The following FAR2 variants were observed in gnomAD, a reference collection of about 807,000 sequenced individuals.
FAR2 encodes fatty acyl-CoA reductase 2.
A neutral mutation model predicts 56.0 loss-of-function variants in FAR2; 19 were observed. The observed-to-expected ratio is 0.34, with a 90% CI of 0.24 to 0.50. The LOEUF (loss-of-function observed/expected upper bound fraction) is 0.50. FAR2 is among the 20% of genes least tolerant of loss of function. The pLI is 0.98. For synonymous variants in FAR2, 219 were observed against 218.8 expected (o/e 1.00, Z -0.01); for missense variants, 508 against 642.2 (o/e 0.79, Z 2.26).
intron 1 of FAR2, among the ~76,000 whole-genome samples, chr12:29,244,674 T>C (rs1948096329): frequency 6.6e-6 from 1 of 152,184 alleles, no homozygotes; most frequent in Non-Finnish European, 1.5e-5. Flanking sequence ...AGATGCAAAG[T>C]GAATCTATTG....
At chr12:29,290,534 A>G (rs2136745922) in intron 2 of FAR2, among the ~76,000 whole-genome samples, 1 of 152,346 alleles carries the variant, frequency 6.6e-6, no homozygotes, top group South Asian at 2.1e-4. Context: ...AGTATCTCAA[A>G]GAGGTATCTG....
At chr12:29,159,671 C>T (rs1336204919) in intron 1 of FAR2, among the ~76,000 whole-genome samples, 1 of 152,152 alleles carries the variant, frequency 6.6e-6, no homozygotes, top group Non-Finnish European at 1.5e-5. Context: ...GTGTGTCTCT[C>T]CTCTCGTTTA....
intron 1 of FAR2, among the ~76,000 whole-genome samples, chr12:29,227,673 A>G (rs1223088620): frequency 1.3e-5 from 2 of 152,164 alleles, no homozygotes; most frequent in African/African-American, 4.8e-5. Context: ...TAATCAATCA[A>G]TTTTTCAAGA....
chr12:29,154,927 T>C (rs1490882180), intron 1 of FAR2, among the ~76,000 whole-genome samples: 1 of 152,222 alleles, frequency 6.6e-6, no homozygotes, highest in Non-Finnish European at 1.5e-5. Flanking sequence ...TTAAACCTTT[T>C]AACATCTACA....
intron 1 of FAR2, among the ~76,000 whole-genome samples, chr12:29,213,342 G>A (rs933636399): frequency 6.6e-6 from 1 of 151,996 alleles, no homozygotes; most frequent in African/African-American, 2.4e-5. Flanking sequence ...ACAAAATGAG[G>A]GCACATATGA....
In FAR2 at chr12:29,270,514, T is replaced by C. The variant is rs1303421052; in HGVS notation, c.65T>C (p.Leu22Pro). The change falls in exon 2 of 12, where the codon CTG (leucine) becomes CCG (proline). Residue 22 changes from leucine to proline, a missense_variant. Coordinates refer to ENST00000536681, the MANE Select transcript of FAR2 (RefSeq NM_001271783.2). ...SILITGATGF[L>P]GKVLMEKLFR... The stretch of plus-strand genomic sequence containing the variant: ...CTCATCACGGGGGCCACAGGCTTTC[T>C]GGGCAAAGTGCTGATGGAGAAGCTG... 1 of 1,613,164 alleles carries C rather than the reference T, an allele frequency of 6.2e-7. No homozygotes were observed. Among genetic ancestry groups the C allele is most frequent in the Non-Finnish European group, 8.5e-7 (1 of 1,179,384 alleles).
At position 29,313,063 on chromosome 12, in the gene FAR2, T is replaced by C. The variant is rs528156788; in HGVS notation, c.955+1113T>C. 3.3e-5 allele frequency among the ~76,000 whole-genome samples: 5 copies of C among 152,290 alleles called. No individual in the cohort carries two copies. In the East Asian group the frequency reaches 5.8e-4, roughly 18 times the overall value. Reference sequence around the variant, plus strand: ...CATCTAATATAGCATTTCTGGAAGATATTACTAATTAATCTGATGTTGCAT... The same window carrying C: ...CATCTAATATAGCATTTCTGGAAGACATTACTAATTAATCTGATGTTGCAT... On this transcript the variant is annotated intron_variant, in intron 8 of 11. Coordinates refer to ENST00000536681, the MANE Select transcript of FAR2 (RefSeq NM_001271783.2).
chr12:29,155,213 G>C (rs1949716633), intron 1 of FAR2, among the ~76,000 whole-genome samples: 1 of 152,222 alleles, frequency 6.6e-6, no homozygotes, highest in Non-Finnish European at 1.5e-5. Flanking sequence ...CAATGGGGAA[G>C]ACTCCCCAGG....
chr12:29,297,050 C>A lies in FAR2; in HGVS notation c.395C>A (p.Thr132Asn). The A allele has an allele frequency of 6.2e-7, 1 of 1,609,366 alleles. No individual in the cohort carries two copies. Among genetic ancestry groups the A allele is most frequent in the Non-Finnish European group, 8.5e-7 (1 of 1,178,406 alleles). The change falls in exon 4 of 12, where the codon ACC (threonine) becomes AAC (asparagine). Residue 132 changes from threonine (T) to asparagine (N), a missense_variant. By Grantham distance (65) the Thr-to-Asn change is moderately conservative. Transcript: ENST00000536681. ...GCTGTGCAACTTAACGTCACTGCCA[C>A]CCGGCAGCTCTTGCTTATGGCTAGT... ...RHAVQLNVTATRQLLLMASQM... is the reference protein window; with the variant it reads ...RHAVQLNVTANRQLLLMASQM...
At chr12:29,200,205 A>C (rs949968869) in intron 1 of FAR2, among the ~76,000 whole-genome samples, 3 of 152,174 alleles carry the variant, frequency 2.0e-5, no homozygotes, top group African/African-American at 7.2e-5. Flanking sequence ...TCGGCCAGAA[A>C]GTCATTATAA....
chr12:29,267,607 A>G (rs1409027828), intron 1 of FAR2, among the ~76,000 whole-genome samples: 1 of 152,216 alleles, frequency 6.6e-6, no homozygotes, highest in Non-Finnish European at 1.5e-5. Context: ...AGAATGTTTA[A>G]TACTGTTTCC....
intron 2 of FAR2, among the ~76,000 whole-genome samples, chr12:29,271,672 A>G (rs1017254183): frequency 3.3e-5 from 5 of 152,228 alleles, no homozygotes; most frequent in Non-Finnish European, 7.3e-5. Context: ...ACAAACCATC[A>G]TCAAGCAAAT....
At chr12:29,152,429 C>G (rs946611403) in intron 1 of FAR2, among the ~76,000 whole-genome samples, 2 of 152,202 alleles carry the variant, frequency 1.3e-5, no homozygotes, top group Non-Finnish European at 2.9e-5. Flanking sequence ...CCTCTGTCCC[C>G]AGACTCCTCC....
intron 1 of FAR2, among the ~76,000 whole-genome samples, chr12:29,257,093 C>A (rs1003668078): frequency 2.1e-4 from 32 of 152,226 alleles, no homozygotes; most frequent in Non-Finnish European, 4.1e-4. Context: ...CTGGGTGAAG[C>A]CAGCTGGGCT....
chr12:29,208,375 G>A (rs1947501103), intron 1 of FAR2, among the ~76,000 whole-genome samples: 1 of 152,222 alleles, frequency 6.6e-6, no homozygotes, highest in Admixed American at 6.5e-5. Context: ...ACTGTGGTGA[G>A]GTGGGAACTG....
At chr12:29,332,453 T>C in intron 10 of FAR2, 147 bp from the exon 11 acceptor site, 1 of 1,068,514 alleles carries the variant, frequency 9.4e-7, no homozygotes, top group South Asian at 1.6e-5. Flanking sequence ...TTTGAAATAA[T>C]GACTCAAATA....
chr12:29,283,303 AT>A (rs1271191922), intron 2 of FAR2, among the ~76,000 whole-genome samples: 2 of 152,122 alleles, frequency 1.3e-5, no homozygotes, highest in Middle Eastern at 3.2e-3. Flanking sequence ...TTGGATTACA[AT>A]TTTTTTGCAT....
intron 10 of FAR2, among the ~76,000 whole-genome samples, chr12:29,328,646 A>G (rs1167854007): frequency 1.3e-5 from 2 of 151,720 alleles, no homozygotes; most frequent in African/African-American, 4.8e-5. Context: ...GCAAGGACAA[A>G]AAACCAAACA....
intron 1 of FAR2, among the ~76,000 whole-genome samples, chr12:29,180,891 T>C (rs1025519713): frequency 1.3e-5 from 2 of 152,182 alleles, no homozygotes; most frequent in South Asian, 2.1e-4. Flanking sequence ...ATAATCCTTC[T>C]GTGTACAGAA....
Sources: gnomAD v4.1 joint callset for allele counts (sites outside exome capture counted in the v4.1 genomes callset) on GRCh38, gnomAD v4.1.1 for gene constraint, MANE v1.5 for transcripts, NCBI Gene and HGNC (gene_info 2026-07-23, HGNC 2026-07-21) for gene names.